The following CAMTA1 variants were observed in gnomAD, a reference collection of about 807,000 sequenced individuals.
CAMTA1 encodes calmodulin binding transcription activator 1, also known as calmodulin-binding transcription activator 1.
A neutral mutation model predicts 170.9 loss-of-function variants in CAMTA1; 27 were observed. That is an observed-to-expected ratio of 0.16 (90% CI 0.12 to 0.22). The LOEUF (loss-of-function observed/expected upper bound fraction) is 0.22. Among genes scored for constraint, CAMTA1 ranks in the 10% least tolerant of loss-of-function variants. The pLI is 1.00. For missense variants in CAMTA1, 1,619 were observed against 2,217.2 expected (o/e 0.73, Z 5.42); for synonymous variants, 833 against 891.5 (o/e 0.93, Z 1.17).
At chr1:7,228,335 G>T (rs1302825392) in intron 4 of CAMTA1, among the ~76,000 whole-genome samples, 4 of 152,216 alleles carry the variant, frequency 2.6e-5, no homozygotes, top group African/African-American at 4.8e-5. Flanking sequence ...GGGCATGGTG[G>T]CTCACGCCTG....
At chr1:7,231,061 C>G (rs1455978147) in intron 4 of CAMTA1, among the ~76,000 whole-genome samples, 1 of 152,158 alleles carries the variant, frequency 6.6e-6, no homozygotes, top group Non-Finnish European at 1.5e-5. Flanking sequence ...GCAAGAGGGA[C>G]TCCCAACTCA....
intron 6 of CAMTA1, among the ~76,000 whole-genome samples, chr1:7,620,105 G>A (rs546245098): frequency 2.0e-5 from 3 of 152,316 alleles, no homozygotes; most frequent in East Asian, 3.9e-4. Context: ...CATCCTTGCT[G>A]GAGTCTTGAA....
Position 6,848,591 on chromosome 1 carries a change from T to C in CAMTA1, c.234+23381T>C, listed in dbSNP as rs567953803. 1.3e-5 allele frequency among the ~76,000 whole-genome samples: 2 copies of C among 152,270 alleles called. 1 individual carries two copies. The highest frequency in any genetic ancestry group is 4.1e-4 in the South Asian group (2 of 4,820). On this transcript the variant is annotated intron_variant, in intron 3 of 22. Coordinates refer to ENST00000303635, the MANE Select transcript of CAMTA1 (RefSeq NM_015215.4). ...CCCAGAGGTAGTAACTAAGACCTGT[T>C]TTTAGACATTGGCAGTAGCGAAGGA...
chr1:7,404,949 G>GT (rs945392842), intron 5 of CAMTA1, among the ~76,000 whole-genome samples: 1 of 152,016 alleles, frequency 6.6e-6, no homozygotes, highest in Non-Finnish European at 1.5e-5. Context: ...TGTTTTTTCT[G>GT]TTTTTTGTTT....
chr1:6,940,969 G>A (rs1375330686), intron 3 of CAMTA1, among the ~76,000 whole-genome samples: 30 of 135,040 alleles, frequency 2.2e-4, no homozygotes, highest in Non-Finnish European at 1.4e-4. Context: ...TTGCAAGGTG[G>A]GGGGATCCTT....
chr1:7,713,405 T>C (rs748751160), intron 11 of CAMTA1, among the ~76,000 whole-genome samples: 51 of 152,038 alleles, frequency 3.4e-4, no homozygotes, highest in Non-Finnish European at 7.4e-5. Flanking sequence ...TGTGGGAAAA[T>C]TAGTTTCAGG....
chr1:7,488,158 ATCTC>A (rs1184447516), intron 6 of CAMTA1, among the ~76,000 whole-genome samples: 2 of 152,088 alleles, frequency 1.3e-5, no homozygotes. Context: ...TCCCTCTAGA[ATCTC>A]TCTGCAATCT....
rs1025063076 is a variant in CAMTA1 at position 7,673,022 on chromosome 1, C to T, written c.2779+1985C>T. On this transcript the variant is annotated intron_variant, in intron 10 of 22. Transcript: ENST00000303635. The surrounding 1 kb of genome is among the most constrained non-coding windows in gnomAD (Gnocchi z 4.6). ...GGGCTGTGTGCAGCTGATGGGACCCCGGCCCGGCGGGAGTGGCGGGGAGGG... is the reference window on the plus strand; with the variant it reads ...GGGCTGTGTGCAGCTGATGGGACCCTGGCCCGGCGGGAGTGGCGGGGAGGG... 2.6e-5 allele frequency among the ~76,000 whole-genome samples: 4 copies of T among 152,208 alleles called. No homozygotes were observed. The highest frequency in any genetic ancestry group is 4.8e-5 in the African/African-American group (2 of 41,458).
chr1:6,912,355 A>G lies in CAMTA1; in HGVS notation c.234+87145A>G, dbSNP rs74398718. On this transcript the variant is annotated intron_variant, in intron 3 of 22. Transcript: ENST00000303635. ...CATCCCCCTTTGTTTCTGAATGAGA[A>G]ATTATTCCCAAGAAGTCACCAAGTG... 3.7e-3 allele frequency among the ~76,000 whole-genome samples: 569 copies of G among 152,246 alleles called. 6 individuals are homozygous for G. The highest frequency in any genetic ancestry group is 0.013 in the African/African-American group (529 of 41,544).
At chr1:6,904,982 G>GT (rs1327432317) in intron 3 of CAMTA1, among the ~76,000 whole-genome samples, 1 of 151,908 alleles carries the variant, frequency 6.6e-6, no homozygotes, top group Non-Finnish European at 1.5e-5. Context: ...TATTCGTGTG[G>GT]TTTGCTGTGT....
chr1:6,974,146 A>C (rs1190917833), intron 3 of CAMTA1, among the ~76,000 whole-genome samples: 1 of 152,180 alleles, frequency 6.6e-6, no homozygotes, highest in Non-Finnish European at 1.5e-5. Context: ...CTGGTTTGTA[A>C]TATATTGTTC....
intron 3 of CAMTA1, among the ~76,000 whole-genome samples, chr1:6,917,202 C>G (rs1192073403): frequency 6.6e-6 from 1 of 151,846 alleles, no homozygotes; most frequent in African/African-American, 2.4e-5. Flanking sequence ...TGAGCCTGTT[C>G]ATGACACTGG....
At chr1:6,820,889 T>C (rs775759858) in intron 2 of CAMTA1, among the ~76,000 whole-genome samples, 2 of 152,216 alleles carry the variant, frequency 1.3e-5, no homozygotes, top group Non-Finnish European at 2.9e-5. Context: ...AAAACCCAAA[T>C]TGAAGTGATG....
At chr1:7,141,440 C>T (rs1350686763) in intron 4 of CAMTA1, among the ~76,000 whole-genome samples, 1 of 152,212 alleles carries the variant, frequency 6.6e-6, no homozygotes, top group East Asian at 1.9e-4. Context: ...ACAGCACTCA[C>T]CAGTCATTAT....
chr1:7,547,389 C>G lies in CAMTA1; in HGVS notation c.510+79488C>G, dbSNP rs976755287. On this transcript the variant is annotated intron_variant, in intron 6 of 22. Coordinates refer to ENST00000303635, the MANE Select transcript of CAMTA1 (RefSeq NM_015215.4). This position sits in a 1 kb window ranked among gnomAD's most constrained non-coding sequence, Gnocchi z 5.7. ...ACACACACACACACACACACACACA[C>G]AGAGTTGGCCTTCCACATTCATGAG... is the stretch of plus-strand genomic sequence containing the variant. Among the ~76,000 whole-genome samples the G allele has an allele frequency of 7.1e-6, 1 of 139,928 alleles. No individual in the cohort carries two copies. The highest frequency in any genetic ancestry group is 1.6e-5 in the Non-Finnish European group (1 of 63,162). The allele number at this position is 139,928 out of a possible 152,430, so 91.8% of individuals were successfully genotyped here. A position where few individuals can be genotyped will look rare whatever the true frequency, so the allele number is the denominator to read the frequency against.
intron 4 of CAMTA1, among the ~76,000 whole-genome samples, 190 bp downstream of exon 4, chr1:7,091,561 A>G (rs1641466812): frequency 6.6e-6 from 1 of 152,226 alleles, no homozygotes; most frequent in African/African-American, 2.4e-5. Context: ...AGATGGATTA[A>G]AAAGAGTGCA....
At chr1:7,261,501 C>T (rs756465327) in intron 5 of CAMTA1, among the ~76,000 whole-genome samples, 1 of 152,178 alleles carries the variant, frequency 6.6e-6, no homozygotes, top group Non-Finnish European at 1.5e-5. Context: ...GAGGTCAGCT[C>T]ACATGGGATG....
At position 7,248,732 on chromosome 1, in the gene CAMTA1, G is replaced by T. The variant is rs1666206435; in HGVS notation, c.303-759G>T. ...GTGGTGGACGCGTGTTTTCTTTTTG[G>T]CAAATTCAAGGTTCTTTACCTTTTT... On this transcript the variant is annotated intron_variant, in intron 4 of 22. Transcript: ENST00000303635. The surrounding 1 kb of genome is among the most constrained non-coding windows in gnomAD (Gnocchi z 4.0). 6.6e-6 allele frequency among the ~76,000 whole-genome samples: 1 copy of T among 151,988 alleles called. No homozygotes were observed. Among genetic ancestry groups the T allele is most frequent in the South Asian group, 2.1e-4 (1 of 4,794 alleles).
intron 3 of CAMTA1, among the ~76,000 whole-genome samples, chr1:6,872,405 T>C (rs1475837565): frequency 6.6e-6 from 1 of 152,240 alleles, no homozygotes; most frequent in African/African-American, 2.4e-5. Context: ...GCTTAGACTT[T>C]TAATTTTAAT....
Sources: gnomAD v4.1 joint callset for allele counts (sites outside exome capture counted in the v4.1 genomes callset) on GRCh38, gnomAD v4.1.1 for gene constraint, Gnocchi (gnomAD v3.1) non-coding constraint, MANE v1.5 for transcripts, NCBI Gene and HGNC (gene_info 2026-07-23, HGNC 2026-07-21) for gene names.